FUZ: variants seen among roughly 807,000 people sequenced by gnomAD.
The protein encoded by FUZ is protein fuzzy homolog.
FUZ carries 31 observed loss-of-function variants against 43.1 expected under a neutral mutation model. That is an observed-to-expected ratio of 0.72 (90% CI 0.54 to 0.97). The LOEUF is 0.97. FUZ is among the 50% of genes least tolerant of loss of function. FUZ has a pLI of 0.00. For missense variants in FUZ, 539 were observed against 543.8 expected (o/e 0.99, Z 0.09); for synonymous variants, 274 against 250.0 (o/e 1.10, Z -0.91).
At chr19:49,810,239 G>C (rs749194636) in intron 5 of FUZ, among the ~76,000 whole-genome samples, 1 of 152,086 alleles carries the variant, frequency 6.6e-6, no homozygotes, top group Non-Finnish European at 1.5e-5. Context: ...TCTGGTGGCC[G>C]GGTGTGATGG....
chr19:49,812,404 C>G (rs1007674814), intron 2 of FUZ, 69 bp from the exon 3 acceptor site: 5 of 1,412,784 alleles, frequency 3.5e-6, no homozygotes, highest in East Asian at 2.3e-5. Context: ...TGGAGTCCGC[C>G]CATTGATCCT....
Position 49,809,389 on chromosome 19 carries a change from C to G in FUZ, c.679G>C (p.Gly227Arg), listed in dbSNP as rs955303794. ...ARDYPVYLPH[G>R]SPTVPHRLLT... ...CGCCACCCACTCACCGTGGGGCTCC[C>G]GTGCGGCAGGTACACCGGGTAGTCG... The change falls in exon 6 of 11, where the codon GGG (glycine) becomes CGG (arginine). Residue 227 changes from glycine (G) to arginine (R), a missense_variant. Physicochemically the swap from Gly to Arg is moderately radical, Grantham distance 125 (BLOSUM62 -2). Transcript: ENST00000313777. The surrounding 1 kb of genome is among the most constrained non-coding windows in gnomAD (Gnocchi z 5.1). 2.3e-5 allele frequency: 35 copies of G among 1,544,248 alleles called. No individual in the cohort carries two copies. The highest frequency in any genetic ancestry group is 2.9e-5 in the Non-Finnish European group (33 of 1,146,796).
chr19:49,807,117 C>T lies in FUZ; in HGVS notation c.*34G>A, dbSNP rs1456382132. 6 of 1,611,262 alleles carry T rather than the reference C, an allele frequency of 3.7e-6. No homozygotes were observed. The highest frequency in any genetic ancestry group is 1.7e-5 in the Admixed American group (1 of 59,656). ...GAATAAACAGAGAGACGCTAACAGC[C>T]CCATGTCTGTGTCCATCACCCACTG... On this transcript the variant is annotated 3_prime_UTR_variant, in exon 11 of 11. Coordinates refer to ENST00000313777, the MANE Select transcript of FUZ (RefSeq NM_025129.5).
intron 5 of FUZ, among the ~76,000 whole-genome samples, chr19:49,810,498 C>A (rs1035350332): frequency 3.3e-5 from 5 of 151,732 alleles, no homozygotes; most frequent in East Asian, 1.9e-4. Flanking sequence ...CATAGTGAAA[C>A]CCTGTCTCTA....
Position 49,808,638 on chromosome 19 carries a change from C to G in FUZ, c.894G>C (p.Gly298=). The stretch of plus-strand genomic sequence containing the variant: ...TCAGTTCCAGGTGGAGGAGCAGCAG[C>G]CTGTGGGAAAGGGAAGGGAATGTCA... ...SGFPLHTDIL[G]LLLLHLELKR... is the part of the protein sequence containing the mutation. Residue 298 remains glycine, a splice_region_variant and synonymous_variant, in exon 9 of 11, where the codon GGG becomes GGC. Transcript: ENST00000313777. 6.2e-7 allele frequency: 1 copy of G among 1,613,266 alleles called. No individual in the cohort carries two copies. Among genetic ancestry groups the G allele is most frequent in the African/African-American group, 1.3e-5 (1 of 75,048 alleles).
chr19:49,807,990 C>T (rs983416456), intron 10 of FUZ: 13 of 347,120 alleles, frequency 3.7e-5, no homozygotes, highest in African/African-American at 1.9e-4. Context: ...TTGTGCAGAG[C>T]GCTGGACTGT....
In FUZ at chr19:49,811,194, A is replaced by C. The variant is rs568361857; in HGVS notation, c.492+169T>G. On this transcript the variant is annotated intron_variant, in intron 5 of 10. Coordinates refer to ENST00000313777, the MANE Select transcript of FUZ (RefSeq NM_025129.5). ...GAAAAGAAAAAAGAAAAGAAAGAGAAAGAAAAGAAAAAAAAAAAAGAAAAA... is the reference window on the plus strand; with the variant it reads ...GAAAAGAAAAAAGAAAAGAAAGAGACAGAAAAGAAAAAAAAAAAAGAAAAA... 80 of 649,102 alleles carry C rather than the reference A, an allele frequency of 1.2e-4. No individual in the cohort carries two copies. In the South Asian group the frequency reaches 1.3e-3, roughly 10 times the overall value. 40.2% of individuals were successfully genotyped at this position (649,102 alleles called of 1,614,324 possible). A position where few individuals can be genotyped will look rare whatever the true frequency, so the allele number is the denominator to read the frequency against.
chr19:49,808,969 G>C, intron 7 of FUZ, 146 bp from the exon 8 acceptor site: 1 of 867,272 alleles, frequency 1.2e-6, no homozygotes, highest in Non-Finnish European at 1.9e-6. Context: ...GAAGGGACTG[G>C]GGAAGGGGCG....
Position 49,808,814 on chromosome 19 carries a change from G to T in FUZ, c.796C>A (p.Arg266Ser), listed in dbSNP as rs752373370. 14 of 1,549,498 alleles carry T rather than the reference G, an allele frequency of 9.0e-6. No homozygotes were observed. The highest frequency in any genetic ancestry group is 1.4e-5 in the African/African-American group (1 of 73,188). ...GGGTCCAGCAGTGGCTGCCACCAGC[G>T]CTCCAGAAGCTGCAGGGGGCGTGGT... is the stretch of plus-strand genomic sequence containing the variant. The part of the protein sequence containing the change: ...LSQLYPQLLE[R>S]WWQPLLDPLR... Residue 266 changes from arginine to serine, a missense_variant, in exon 8 of 11, where the codon CGC (arginine) becomes AGC (serine). Physicochemically the swap from Arg to Ser is moderately radical, Grantham distance 110. Coordinates refer to ENST00000313777, the MANE Select transcript of FUZ (RefSeq NM_025129.5).
In FUZ at chr19:49,809,423, C is replaced by T; in HGVS notation, c.645G>A (p.Gln215=). 1 of 1,543,780 alleles carries T rather than the reference C, an allele frequency of 6.5e-7. No homozygotes were observed. The highest frequency in any genetic ancestry group is 8.7e-7 in the Non-Finnish European group (1 of 1,147,218). The stretch of plus-strand genomic sequence containing the variant: ...GGTACACCGGGTAGTCGCGAGCGGT[C>T]TGCGGCGGCAGGGACCCCACCAGCC... ...LPWLVGSLPP[Q]TARDYPVYLP... The change falls in exon 6 of 11, where the codon CAG becomes CAA. Residue 215 remains glutamine, a synonymous_variant. Coordinates refer to ENST00000313777, the MANE Select transcript of FUZ (RefSeq NM_025129.5). The surrounding 1 kb of genome is among the most constrained non-coding windows in gnomAD (Gnocchi z 5.1).
chr19:49,812,829 T>G, intron 1 of FUZ, 93 bp from the exon 2 acceptor site: 1 of 1,530,090 alleles, frequency 6.5e-7, no homozygotes, highest in African/African-American at 1.4e-5. Context: ...CCATCCTCTT[T>G]CCATATGACC....
At position 49,809,275 on chromosome 19, in the gene FUZ, G is replaced by C; in HGVS notation, c.691-17C>G. 6.4e-7 allele frequency: 1 copy of C among 1,550,426 alleles called. No homozygotes were observed. The highest frequency in any genetic ancestry group is 8.7e-7 in the Non-Finnish European group (1 of 1,146,782). ...GTGTGGGACCTGAAGCAGGGCACAG[G>C]CTGGGGCTCATCGCGGCCCGGCCCC... On this transcript the variant is annotated splice_polypyrimidine_tract_variant and intron_variant, in intron 6 of 10. Transcript: ENST00000313777. This position sits in a 1 kb window ranked among gnomAD's most constrained non-coding sequence, Gnocchi z 5.1.
At position 49,809,305 on chromosome 19, in the gene FUZ, C is replaced by T; in HGVS notation, c.691-47G>A. On this transcript the variant is annotated intron_variant, in intron 6 of 10. Transcript: ENST00000313777. The surrounding 1 kb of genome is among the most constrained non-coding windows in gnomAD (Gnocchi z 5.1). ...GGCTCATCGCGGCCCGGCCCCTTTC[C>T]ATCGCAGATCCCGCCTCCTCGCGAC... 1 of 1,549,006 alleles carries T rather than the reference C, an allele frequency of 6.5e-7. No individual in the cohort carries two copies. Among genetic ancestry groups the T allele is most frequent in the Non-Finnish European group, 8.7e-7 (1 of 1,146,510 alleles).
chr19:49,812,627 C>A lies in FUZ; in HGVS notation c.221G>T (p.Ser74Ile). 1 of 1,614,158 alleles carries A rather than the reference C, an allele frequency of 6.2e-7. No homozygotes were observed. The highest frequency in any genetic ancestry group is 8.5e-7 in the Non-Finnish European group (1 of 1,180,032). Residue 74 changes from serine to isoleucine, a missense_variant, in exon 2 of 11, where the codon AGC (serine) becomes ATC (isoleucine). Transcript: ENST00000313777. ...RTENTTVVWK[S>I]FHDSITLIVL... ...CCCTCCTGGGGACCTGTCATGGAAGCTTTTCCACACCACAGTCGTGTTCTC... is the reference window on the plus strand; with the variant it reads ...CCCTCCTGGGGACCTGTCATGGAAGATTTTCCACACCACAGTCGTGTTCTC...
At chr19:49,812,890 T>G (rs913982909) in intron 1 of FUZ, 106 bp downstream of exon 1, 64 of 1,332,570 alleles carry the variant, frequency 4.8e-5, no homozygotes, top group Non-Finnish European at 6.5e-5. Context: ...GCCTCCTCGG[T>G]CCTACAAATT....
chr19:49,812,416 G>C, intron 2 of FUZ, 81 bp from the exon 3 acceptor site: 1 of 1,362,888 alleles, frequency 7.3e-7, no homozygotes. Flanking sequence ...ATTGATCCTA[G>C]AACACCAGAT....
At chr19:49,811,722 G>C in intron 3 of FUZ, 23 bp from the exon 4 acceptor site, 2 of 1,591,666 alleles carry the variant, frequency 1.3e-6, no homozygotes, top group Non-Finnish European at 8.6e-7. Flanking sequence ...TATAGGAGAG[G>C]ATGGGCGAGG....
Position 49,809,350 on chromosome 19 carries a change from C to G in FUZ, c.690+28G>C, listed in dbSNP as rs535855460. ...CGCGACTCGGCCCCCAGGTCACATCCCTCCGTCGGTGCCCGCCACCCACTC... is the reference window on the plus strand; with the variant it reads ...CGCGACTCGGCCCCCAGGTCACATCGCTCCGTCGGTGCCCGCCACCCACTC... On this transcript the variant is annotated intron_variant, in intron 6 of 10. Transcript: ENST00000313777. This position sits in a 1 kb window ranked among gnomAD's most constrained non-coding sequence, Gnocchi z 5.1. 1 of 1,545,688 alleles carries G rather than the reference C, an allele frequency of 6.5e-7. No homozygotes were observed. Among genetic ancestry groups the G allele is most frequent in the Non-Finnish European group, 8.7e-7 (1 of 1,146,766 alleles).
Position 49,807,193 on chromosome 19 carries a change from G to C in FUZ, c.1215C>G (p.Ser405Arg), listed in dbSNP as rs2073428551. The C allele has an allele frequency of 1.2e-6, 2 of 1,613,254 alleles. No homozygotes were observed. Among genetic ancestry groups the C allele is most frequent in the Admixed American group, 1.7e-5 (1 of 59,922 alleles). The change falls in exon 11 of 11, where the codon AGC becomes AGG. Residue 405 changes from serine to arginine, a missense_variant. Physicochemically the swap from Ser to Arg is moderately radical, Grantham distance 110. Coordinates refer to ENST00000313777, the MANE Select transcript of FUZ (RefSeq NM_025129.5). ...SPQSPTHGLR[S>R]LATHTLHALT... ...GGGCATGCAGAGTGTGGGTGGCCAG[G>C]CTTCGCAGCCCATGGGTGGGACTCT...
Sources: allele counts gnomAD v4.1 joint callset (sites outside exome capture counted in the v4.1 genomes callset), GRCh38; gene constraint gnomAD v4.1.1; non-coding constraint Gnocchi (gnomAD v3.1); transcripts MANE v1.5; gene names NCBI Gene and HGNC (gene_info 2026-07-23, HGNC 2026-07-21).